TTC13: variants seen among roughly 807,000 people sequenced by gnomAD.
TTC13 encodes the protein tetratricopeptide repeat domain 13, also known as tetratricopeptide repeat protein 13.
TTC13 carries 62 observed loss-of-function variants against 120.0 expected under a neutral mutation model. The observed-to-expected ratio is 0.52, with a 90% confidence interval of 0.42 to 0.64. The LOEUF is 0.64. TTC13 is among the 30% of genes least tolerant of loss of function. TTC13 has a pLI of 0.00. For synonymous variants in TTC13, 384 were observed against 393.5 expected, an observed-to-expected ratio of 0.98 and a Z score of 0.28; for missense variants, 824 against 1,050.2, an observed-to-expected ratio of 0.78 and a Z score of 2.98.
Position 230,906,883 on chromosome 1 carries a change from T to C in TTC13, c.*22A>G. 1 of 1,260,962 alleles carries C rather than the reference T, an allele frequency of 7.9e-7. No homozygotes were observed. Among genetic ancestry groups the C allele is most frequent in the Non-Finnish European group, 1.1e-6 (1 of 933,420 alleles). 78.1% of individuals were successfully genotyped at this position (1,260,962 alleles called of 1,614,324 possible). A position where few individuals can be genotyped will look rare whatever the true frequency, so the allele number is the denominator to read the frequency against. ...AGAAGCAAGAGGTCCGGCCCTTTAC[T>C]TGTATAAATACAGCAGCAGAACTAG... is the stretch of plus-strand genomic sequence containing the variant. On this transcript the variant is annotated 3_prime_UTR_variant, in exon 23 of 23. Coordinates refer to ENST00000366661, the MANE Select transcript of TTC13 (RefSeq NM_024525.5).
intron 1 of TTC13, among the ~76,000 whole-genome samples, chr1:230,977,456 G>C (rs1342039550): frequency 6.6e-6 from 1 of 152,090 alleles, no homozygotes; most frequent in Non-Finnish European, 1.5e-5. Flanking sequence ...TGTTACTTAC[G>C]CCGTTACCAG....
At chr1:230,971,345 CAA>C (rs11453211) in intron 1 of TTC13, among the ~76,000 whole-genome samples, 2 of 80,810 alleles carry the variant, frequency 2.5e-5, no homozygotes, top group African/African-American at 4.6e-5. Context: ...GACTCCATCT[CAA>C]AAAAAAAAAA....
chr1:230,915,780 TC>T (rs1671955562), intron 18 of TTC13, among the ~76,000 whole-genome samples: 5 of 97,104 alleles, frequency 5.1e-5, no homozygotes, highest in South Asian at 2.7e-4. Context: ...AGCTGTTTTC[TC>T]TCTCTCTCTC....
At chr1:230,925,705 A>C in intron 12 of TTC13, 58 bp from the exon 13 acceptor site, 1 of 1,592,930 alleles carries the variant, frequency 6.3e-7, no homozygotes, top group Non-Finnish European at 8.6e-7. Context: ...TGGTAATCCA[A>C]TTCCACCTGA....
At position 230,906,836 on chromosome 1, in the gene TTC13, C is replaced by T. The variant is rs964437902; in HGVS notation, c.*69G>A. 1.5e-6 allele frequency: 1 copy of T among 681,594 alleles called. No homozygotes were observed. Among genetic ancestry groups the T allele is most frequent in the African/African-American group, 1.9e-5 (1 of 53,690 alleles). 42.2% of individuals were successfully genotyped at this position (681,594 alleles called of 1,614,324 possible). On this transcript the variant is annotated 3_prime_UTR_variant, in exon 23 of 23. Coordinates refer to ENST00000366661, the MANE Select transcript of TTC13 (RefSeq NM_024525.5). Reference sequence around the variant, plus strand: ...TAGAGGACCTAATTTCTTTATAATTCCATGTTTTAAAAAATAACTTAAGAA... The same window carrying T: ...TAGAGGACCTAATTTCTTTATAATTTCATGTTTTAAAAAATAACTTAAGAA...
chr1:230,961,936 C>T (rs1305243897), intron 1 of TTC13, among the ~76,000 whole-genome samples: 1 of 152,012 alleles, frequency 6.6e-6, no homozygotes, highest in Non-Finnish European at 1.5e-5. Flanking sequence ...CTAGGCCAGG[C>T]GTGGTGGCTC....
At chr1:230,923,081 AT>A in intron 15 of TTC13, among the ~76,000 whole-genome samples, 1 of 152,346 alleles carries the variant, frequency 6.6e-6, no homozygotes, top group South Asian at 2.1e-4. Context: ...GTATAGAAAA[AT>A]ATTTTCTTAA....
rs149240853 is a variant in TTC13, at chr1:230,940,825, T to C, written c.673-269A>G. On this transcript the variant is annotated intron_variant, in intron 6 of 22. Coordinates refer to ENST00000366661, the MANE Select transcript of TTC13 (RefSeq NM_024525.5). The surrounding 1 kb of genome is among the most constrained non-coding windows in gnomAD (Gnocchi z 4.1). ...TTCACATTCTGGGTTGTATCAGATG[T>C]TGCTTTTCCTGCAATGTGATTTTTT... Among the ~76,000 whole-genome samples the C allele has an allele frequency of 4.2e-3, 639 of 152,364 alleles. 4 individuals are homozygous for C. The highest frequency in any genetic ancestry group is 0.01 in the Middle Eastern group (3 of 294).
intron 18 of TTC13, among the ~76,000 whole-genome samples, chr1:230,914,868 C>T (rs1572178699): frequency 1.3e-5 from 2 of 151,992 alleles, no homozygotes; most frequent in East Asian, 3.9e-4. Flanking sequence ...CAAATTTTTG[C>T]CTGCTGGGGT....
chr1:230,947,349 C>A (rs915565620), intron 4 of TTC13, among the ~76,000 whole-genome samples: 2 of 152,044 alleles, frequency 1.3e-5, no homozygotes, highest in Non-Finnish European at 2.9e-5. Flanking sequence ...GTAAGACTGG[C>A]GTCATGCTTT....
intron 1 of TTC13, among the ~76,000 whole-genome samples, chr1:230,973,836 G>A (rs1273021176): frequency 6.6e-6 from 1 of 152,158 alleles, no homozygotes; most frequent in East Asian, 1.9e-4. Flanking sequence ...CCAGCACTTT[G>A]GGACGCTGAG....
chr1:230,942,914 A>T lies in TTC13; in HGVS notation c.672+892T>A, dbSNP rs974613140. On this transcript the variant is annotated intron_variant, in intron 6 of 22. Coordinates refer to ENST00000366661, the MANE Select transcript of TTC13 (RefSeq NM_024525.5). The surrounding 1 kb of genome is among the most constrained non-coding windows in gnomAD (Gnocchi z 4.0). ...GCCTCCTCTGTCTACTTGAGCCAGT[A>T]TTACATGGCATCTTCACCACATATT... 1.6e-4 allele frequency among the ~76,000 whole-genome samples: 24 copies of T among 152,198 alleles called. No homozygotes were observed. Among genetic ancestry groups the T allele is most frequent in the African/African-American group, 5.6e-4 (23 of 41,440 alleles).
chr1:230,976,213 T>C (rs1370479259), intron 1 of TTC13, among the ~76,000 whole-genome samples: 1 of 152,210 alleles, frequency 6.6e-6, no homozygotes, highest in East Asian at 1.9e-4. Context: ...TGTATGATTC[T>C]GAAGAACTGA....
At chr1:230,965,888 C>T (rs1440449931) in intron 1 of TTC13, among the ~76,000 whole-genome samples, 1 of 152,152 alleles carries the variant, frequency 6.6e-6, no homozygotes, top group Non-Finnish European at 1.5e-5. Context: ...TGGGCTCAAG[C>T]AATCCTCTCG....
At chr1:230,919,424 T>C (rs1672360432) in intron 17 of TTC13, among the ~76,000 whole-genome samples, 1 of 152,100 alleles carries the variant, frequency 6.6e-6, no homozygotes, top group Non-Finnish European at 1.5e-5. Flanking sequence ...CATGAATCCA[T>C]TCATGAGGGC....
intron 15 of TTC13, 101 bp from the exon 16 acceptor site, chr1:230,921,605 A>G (rs917014546): frequency 7.5e-5 from 48 of 639,676 alleles, no homozygotes; most frequent in South Asian, 1.3e-4. Flanking sequence ...AGAAACTATG[A>G]GAATAATGTA....
At chr1:230,945,808 G>C (rs1296185204) in intron 4 of TTC13, among the ~76,000 whole-genome samples, 9 of 152,118 alleles carry the variant, frequency 5.9e-5, no homozygotes, top group Admixed American at 5.9e-4. Flanking sequence ...AGGCTCAGAG[G>C]GGTAAAGAGA....
intron 12 of TTC13, among the ~76,000 whole-genome samples, 177 bp from the exon 13 acceptor site, chr1:230,925,824 A>G (rs973043840): frequency 6.6e-5 from 10 of 152,184 alleles, no homozygotes; most frequent in Admixed American, 6.5e-4. Context: ...GGGAATCTCT[A>G]TGATGGCATG....
intron 3 of TTC13, 83 bp downstream of exon 3, chr1:230,958,141 C>T: frequency 2.1e-6 from 3 of 1,441,784 alleles, no homozygotes; most frequent in Non-Finnish European, 2.9e-6. Context: ...CTCTCTACTC[C>T]TTACCATCCT....
Sources: allele counts gnomAD v4.1 joint callset (sites outside exome capture counted in the v4.1 genomes callset), GRCh38; gene constraint gnomAD v4.1.1; non-coding constraint Gnocchi (gnomAD v3.1); transcripts MANE v1.5; gene names NCBI Gene and HGNC (gene_info 2026-07-23, HGNC 2026-07-21).